The following SMOC2 variants were observed in gnomAD, a reference collection of about 807,000 sequenced individuals.
SMOC2 encodes SPARC related modular calcium binding 2, also known as SPARC-related modular calcium-binding protein 2.
Under a neutral mutation model 61.4 loss-of-function variants are expected in SMOC2, and 39 were observed. That is an observed-to-expected ratio of 0.64 (90% CI 0.49 to 0.83). The LOEUF (loss-of-function observed/expected upper bound fraction) is 0.83. Among genes scored for constraint, SMOC2 ranks in the 40% least tolerant of loss-of-function variants. The probability of loss-of-function intolerance (pLI) is 0.00; values close to 1 mark genes in which losing one functional copy is unlikely to be tolerated. For synonymous variants in SMOC2, 247 were observed against 239.9 expected (o/e 1.03, Z -0.27); for missense variants, 556 against 592.9 (o/e 0.94, Z 0.65).
intron 7 of SMOC2, among the ~76,000 whole-genome samples, chr6:168,579,158 TG>T (rs1784871019): frequency 6.6e-6 from 1 of 152,242 alleles, no homozygotes; most frequent in African/African-American, 2.4e-5. Flanking sequence ...GGTCACACTG[TG>T]TCCTGTTCCC....
intron 1 of SMOC2, among the ~76,000 whole-genome samples, chr6:168,465,299 G>A (rs1781802235): frequency 6.6e-6 from 1 of 152,144 alleles, no homozygotes; most frequent in Admixed American, 6.5e-5. Context: ...GTTATAGATA[G>A]AACGTTGTCC....
chr6:168,467,035 G>A (rs768419758), intron 1 of SMOC2, among the ~76,000 whole-genome samples: 6 of 152,098 alleles, frequency 3.9e-5, no homozygotes, highest in Non-Finnish European at 7.4e-5. Flanking sequence ...AAGCAGCGCC[G>A]TGCTGGTCAT....
chr6:168,474,737 C>T (rs370148978), intron 1 of SMOC2, among the ~76,000 whole-genome samples: 93 of 152,224 alleles, frequency 6.1e-4, no homozygotes, highest in African/African-American at 2.0e-3. Flanking sequence ...AGCACAGTGA[C>T]GAGCCCAGCA....
chr6:168,558,819 G>A (rs576617098), intron 7 of SMOC2, among the ~76,000 whole-genome samples: 16 of 151,772 alleles, frequency 1.1e-4, no homozygotes, highest in East Asian at 2.0e-4. Flanking sequence ...GTGTGTGTGC[G>A]TATGTGCATG....
chr6:168,530,175 GTTTA>G (rs1783555663), intron 4 of SMOC2, among the ~76,000 whole-genome samples: 1 of 152,182 alleles, frequency 6.6e-6, no homozygotes, highest in Non-Finnish European at 1.5e-5. Flanking sequence ...ATGTGTGTGT[GTTTA>G]TGAATAATAC....
chr6:168,476,154 G>C (rs1782077767), intron 1 of SMOC2, among the ~76,000 whole-genome samples: 2 of 152,120 alleles, frequency 1.3e-5, no homozygotes, highest in Admixed American at 6.5e-5. Flanking sequence ...CTGTGCAGAG[G>C]CAGTTGGGAA....
chr6:168,565,811 G>C (rs2115133180), intron 7 of SMOC2, among the ~76,000 whole-genome samples: 1 of 152,266 alleles, frequency 6.6e-6, no homozygotes, highest in African/African-American at 2.4e-5. Context: ...GTGAAAAACG[G>C]CTTTACAATA....
At chr6:168,518,641 A>G (rs1317409723) in intron 2 of SMOC2, among the ~76,000 whole-genome samples, 1 of 122,336 alleles carries the variant, frequency 8.2e-6, no homozygotes. Flanking sequence ...GTGTGAGTGT[A>G]TGCTTGTGTG....
intron 1 of SMOC2, among the ~76,000 whole-genome samples, chr6:168,464,203 G>A (rs1279145255): frequency 2.0e-4 from 22 of 112,190 alleles, no homozygotes; most frequent in Admixed American, 1.5e-3. Flanking sequence ...AAAAAAAAAA[G>A]AGGAAGGAAG....
chr6:168,657,694 G>A (rs1174539008), intron 11 of SMOC2, among the ~76,000 whole-genome samples: 1 of 152,128 alleles, frequency 6.6e-6, no homozygotes. Flanking sequence ...CTAGAGGCTG[G>A]GCAGTCCAAG....
rs1201306156 is a variant in SMOC2 at position 168,566,222 on chromosome 6, T to G, written c.637+17019T>G. Among the ~76,000 whole-genome samples the G allele has an allele frequency of 2.6e-5, 4 of 152,208 alleles. No individual in the cohort carries two copies. The East Asian group carries it at 7.7e-4, about 29-fold the overall frequency. On this transcript the variant is annotated intron_variant, in intron 7 of 12. Coordinates refer to ENST00000356284, the MANE Select transcript of SMOC2 (RefSeq NM_001166412.2). ...GAATAAATAATTCTATCTTATTCTT[T>G]GCACCCCCTCTGCATGCCTGTGTGT...
intron 7 of SMOC2, among the ~76,000 whole-genome samples, chr6:168,588,112 C>T (rs541567922): frequency 2.0e-3 from 227 of 116,066 alleles, no homozygotes; most frequent in Non-Finnish European, 3.3e-3. Flanking sequence ...CCCTGGAGCT[C>T]CCTCACCCTT....
chr6:168,499,308 C>G (rs918488706), intron 1 of SMOC2, among the ~76,000 whole-genome samples: 1 of 152,248 alleles, frequency 6.6e-6, no homozygotes, highest in Non-Finnish European at 1.5e-5. Context: ...CGCAGTCCAA[C>G]GTGTGCTTCA....
chr6:168,483,307 C>T (rs1334898432), intron 1 of SMOC2, among the ~76,000 whole-genome samples: 1 of 151,890 alleles, frequency 6.6e-6, no homozygotes, highest in Non-Finnish European at 1.5e-5. Flanking sequence ...GATGGACACT[C>T]TGAAAAGGAA....
intron 8 of SMOC2, among the ~76,000 whole-genome samples, chr6:168,601,970 A>G (rs561952848): frequency 6.6e-6 from 1 of 152,362 alleles, no homozygotes; most frequent in African/African-American, 2.4e-5. Context: ...AGTTTCAGAA[A>G]GAACATGAAA....
intron 9 of SMOC2, among the ~76,000 whole-genome samples, chr6:168,647,548 C>A (rs528716628): frequency 6.6e-6 from 1 of 152,168 alleles, no homozygotes; most frequent in Non-Finnish European, 1.5e-5. Flanking sequence ...ATGGGAGAAG[C>A]GGAATAGCTC....
rs997771456 is a variant in SMOC2, at chr6:168,452,382, C to G, written c.84+10928C>G. On this transcript the variant is annotated intron_variant, in intron 1 of 12. Transcript: ENST00000356284. This position sits in a 1 kb window ranked among gnomAD's most constrained non-coding sequence, Gnocchi z 5.0. The stretch of plus-strand genomic sequence containing the variant: ...CAGAGTAAGCAGGGGGAGTGTGAGG[C>G]GGGCTGCCTGCCTGGGGCCTGGACT... Among the ~76,000 whole-genome samples the G allele has an allele frequency of 3.9e-5, 6 of 152,138 alleles. No homozygotes were observed. The highest frequency in any genetic ancestry group is 1.4e-4 in the African/African-American group (6 of 41,428).
At chr6:168,521,483 A>T (rs1057477206) in intron 2 of SMOC2, among the ~76,000 whole-genome samples, 6 of 152,096 alleles carry the variant, frequency 3.9e-5, no homozygotes, top group African/African-American at 1.4e-4. Context: ...ACAAGCTTGT[A>T]ATCTGATTGG....
intron 11 of SMOC2, among the ~76,000 whole-genome samples, chr6:168,657,487 G>T (rs1787355639): frequency 6.6e-6 from 1 of 152,222 alleles, no homozygotes; most frequent in Admixed American, 6.5e-5. Flanking sequence ...TTGCCCATGT[G>T]TGATTTCCCC....
Sources: gnomAD v4.1 joint callset for allele counts (sites outside exome capture counted in the v4.1 genomes callset) on GRCh38, gnomAD v4.1.1 for gene constraint, Gnocchi (gnomAD v3.1) non-coding constraint, MANE v1.5 for transcripts, NCBI Gene and HGNC (gene_info 2026-07-23, HGNC 2026-07-21) for gene names.